The following ZNF385D variants were observed in gnomAD, a reference collection of about 807,000 sequenced individuals.
ZNF385D encodes the protein zinc finger protein 385D.
Under a neutral mutation model 35.8 loss-of-function variants are expected in ZNF385D, and 15 were observed. The ratio of observed to expected loss-of-function variants is 0.42; its 90% confidence interval spans 0.28 to 0.64. The LOEUF is 0.64. Among genes scored for constraint, ZNF385D ranks in the 30% least tolerant of loss-of-function variants. The probability of loss-of-function intolerance (pLI) is 0.23; values close to 1 mark genes in which losing one functional copy is unlikely to be tolerated. For missense variants in ZNF385D, 474 were observed against 494.6 expected (o/e 0.96, Z 0.39); for synonymous variants, 212 against 186.8 (o/e 1.13, Z -1.10).
intron 3 of ZNF385D, among the ~76,000 whole-genome samples, chr3:21,989,962 G>A (rs997568730): frequency 1.3e-5 from 2 of 152,100 alleles, no homozygotes; most frequent in African/African-American, 2.4e-5. Context: ...AACATTTCCA[G>A]CACCCAAACA....
At chr3:21,998,074 C>T (rs1695596117) in intron 3 of ZNF385D, among the ~76,000 whole-genome samples, 1 of 152,098 alleles carries the variant, frequency 6.6e-6, no homozygotes, top group Admixed American at 6.5e-5. Flanking sequence ...CTATATGCCA[C>T]TCCCACCAGT....
At chr3:22,191,083 A>T (rs777131963) in intron 2 of ZNF385D, among the ~76,000 whole-genome samples, 47 of 152,048 alleles carry the variant, frequency 3.1e-4, no homozygotes, top group Non-Finnish European at 5.3e-4. Flanking sequence ...AATTATTTTT[A>T]AAAAAATAAA....
intron 2 of ZNF385D, among the ~76,000 whole-genome samples, chr3:22,258,468 T>C (rs921376286): frequency 6.6e-6 from 1 of 151,794 alleles, no homozygotes; most frequent in Admixed American, 6.6e-5. Flanking sequence ...TATAATATCA[T>C]GAAAATTGCT....
intron 3 of ZNF385D, among the ~76,000 whole-genome samples, chr3:22,152,436 G>T (rs988505768): frequency 1.3e-5 from 2 of 152,076 alleles, no homozygotes; most frequent in Admixed American, 6.6e-5. Context: ...ACAGTTCTGA[G>T]GTCAGAAGTC....
chr3:22,184,264 G>A (rs1414402261), intron 2 of ZNF385D, among the ~76,000 whole-genome samples: 1 of 151,674 alleles, frequency 6.6e-6, no homozygotes, highest in Non-Finnish European at 1.5e-5. Flanking sequence ...TTGGAAAAGT[G>A]ATATTTCACA....
chr3:21,531,309 A>C (rs1019471484), intron 3 of ZNF385D, among the ~76,000 whole-genome samples: 1 of 152,232 alleles, frequency 6.6e-6, no homozygotes, highest in Non-Finnish European at 1.5e-5. Context: ...TGTTGGTAGA[A>C]ATGTAAAATG....
chr3:22,132,672 A>G (rs1703870966), intron 3 of ZNF385D, among the ~76,000 whole-genome samples: 1 of 152,112 alleles, frequency 6.6e-6, no homozygotes, highest in South Asian at 2.1e-4. Flanking sequence ...AGTAATAACA[A>G]TTAATGGTCT....
chr3:22,340,547 G>A lies in ZNF385D; in HGVS notation c.106+31903C>T, dbSNP rs866447807. Among the ~76,000 whole-genome samples, 5 of 152,246 alleles carry A rather than the reference G, an allele frequency of 3.3e-5. No homozygotes were observed. The Middle Eastern group carries it at 0.01, about 311-fold the overall frequency. On this transcript the variant is annotated intron_variant, in intron 2 of 5. Transcript: ENST00000494108. ...TGTAATCCTAGCTACTTGGGAAGCC[G>A]AGGCAGGAGAATCGCTTGAACCTGG...
intron 2 of ZNF385D, among the ~76,000 whole-genome samples, chr3:22,187,908 C>A (rs887761667): frequency 2.0e-5 from 3 of 152,150 alleles, no homozygotes; most frequent in African/African-American, 7.2e-5. Flanking sequence ...GCAAGCTCCA[C>A]ACACAAGAAT....
chr3:21,964,470 ATTTTTTTTTTTTTTTT>A lies in ZNF385D; in HGVS notation c.325+204331_325+204346del, dbSNP rs377650103. Among the ~76,000 whole-genome samples the A allele has an allele frequency of 2.5e-4, 17 of 68,160 alleles. No individual in the cohort carries two copies. In the East Asian group the frequency reaches 2.9e-3, roughly 11 times the overall value. 44.7% of individuals were successfully genotyped at this position (68,160 alleles called of 152,430 possible). ...AAGAAAAAGATGTCCAATTTCTCAGATTTTTTTTTTTTTTTTTTTTTTTTTTTTTTTTTTTCTGAGA... is the reference window on the plus strand; with the variant it reads ...AAGAAAAAGATGTCCAATTTCTCAGATTTTTTTTTTTTTTTTTTTCTGAGA... On this transcript the variant is annotated intron_variant, in intron 3 of 5. Coordinates refer to the ZNF385D transcript ENST00000494108.
chr3:22,068,590 A>G (rs1351264568), intron 3 of ZNF385D, among the ~76,000 whole-genome samples: 1 of 152,232 alleles, frequency 6.6e-6, no homozygotes, highest in Non-Finnish European at 1.5e-5. Context: ...TACAGGTTCA[A>G]CATGATCCAT....
intron 3 of ZNF385D, among the ~76,000 whole-genome samples, chr3:22,086,116 G>A (rs770511816): frequency 2.6e-4 from 40 of 152,298 alleles, no homozygotes; most frequent in Middle Eastern, 3.4e-3. Flanking sequence ...GGCGAAACCT[G>A]GAAGCATTCC....
chr3:22,155,300 C>T (rs1035538283), intron 3 of ZNF385D, among the ~76,000 whole-genome samples: 13 of 151,892 alleles, frequency 8.6e-5, no homozygotes, highest in South Asian at 4.2e-4. Context: ...GTGGGGTCTC[C>T]GCTTTGATTT....
intron 3 of ZNF385D, among the ~76,000 whole-genome samples, chr3:21,980,172 A>T (rs532665999): frequency 6.6e-6 from 1 of 152,314 alleles, no homozygotes; most frequent in East Asian, 1.9e-4. Flanking sequence ...TCTTGCCAAC[A>T]ACCAACAGTA....
chr3:21,551,923 A>G (rs1185982362), intron 3 of ZNF385D, among the ~76,000 whole-genome samples: 3 of 152,200 alleles, frequency 2.0e-5, no homozygotes, highest in African/African-American at 7.2e-5. Flanking sequence ...AAAAAAATAT[A>G]TAAAAGTTTA....
chr3:21,905,205 C>CAAAAAAAA (rs63147760), intron 3 of ZNF385D, among the ~76,000 whole-genome samples: 42 of 69,716 alleles, frequency 6.0e-4, no homozygotes, highest in African/African-American at 2.0e-3. Context: ...ACAAAAAATC[C>CAAAAAAAA]AAAAAAAAAA....
intron 2 of ZNF385D, among the ~76,000 whole-genome samples, chr3:22,263,045 T>C (rs1455854331): frequency 6.6e-6 from 1 of 151,990 alleles, no homozygotes; most frequent in African/African-American, 2.4e-5. Context: ...ACCTCCAGTA[T>C]CATCACCCCC....
At chr3:21,773,640 C>T (rs1334844839) in intron 3 of ZNF385D, among the ~76,000 whole-genome samples, 2 of 151,928 alleles carry the variant, frequency 1.3e-5, no homozygotes, top group Admixed American at 1.3e-4. Flanking sequence ...CAAAAGACTA[C>T]ATACATGCAG....
intron 3 of ZNF385D, among the ~76,000 whole-genome samples, chr3:22,087,879 T>C (rs1055841332): frequency 6.6e-6 from 1 of 152,088 alleles, no homozygotes; most frequent in Non-Finnish European, 1.5e-5. Context: ...GGGATAATAG[T>C]TTTGAACTAT....
Sources: allele counts gnomAD v4.1 joint callset (sites outside exome capture counted in the v4.1 genomes callset), GRCh38; gene constraint gnomAD v4.1.1; transcripts MANE v1.5; gene names NCBI Gene and HGNC (gene_info 2026-07-23, HGNC 2026-07-21).